The following DNAAF5 variants were observed in gnomAD, a reference collection of about 807,000 sequenced individuals.
DNAAF5 encodes the protein dynein axonemal assembly factor 5, also known as HEAT repeat containing 2.
Under a neutral mutation model 75.8 loss-of-function variants are expected in DNAAF5, and 64 were observed. The observed-to-expected ratio is 0.84, with a 90% CI of 0.69 to 1.04. DNAAF5 has a LOEUF of 1.04. Ranked by LOEUF, DNAAF5 falls within the 50% of genes least tolerant of loss-of-function variation. DNAAF5 has a pLI of 0.00. For synonymous variants in DNAAF5, 657 were observed against 557.2 expected, an observed-to-expected ratio of 1.18 and a Z score of -2.52; for missense variants, 1,269 against 1,178.5, an observed-to-expected ratio of 1.08 and a Z score of -1.12.
chr7:742,879 A>C (rs1424771824), intron 4 of DNAAF5, among the ~76,000 whole-genome samples: 1 of 149,822 alleles, frequency 6.7e-6, no homozygotes, highest in Non-Finnish European at 1.5e-5. Flanking sequence ...TCAGATGCCC[A>C]GCTCAAATCA....
At chr7:747,762 G>A (rs1394025369) in intron 4 of DNAAF5, among the ~76,000 whole-genome samples, 3 of 26,080 alleles carry the variant, frequency 1.2e-4, no homozygotes, top group South Asian at 6.8e-3. Context: ...GGTGGCCCAC[G>A]GTGTTGGTGG....
intron 11 of DNAAF5, among the ~76,000 whole-genome samples, chr7:779,531 C>T (rs1411602713): frequency 6.6e-6 from 1 of 152,188 alleles, no homozygotes; most frequent in Non-Finnish European, 1.5e-5. Flanking sequence ...TTGTCTGTCA[C>T]TGAGTCCTCA....
chr7:757,909 C>G (rs1213002244), intron 6 of DNAAF5, among the ~76,000 whole-genome samples: 1 of 152,238 alleles, frequency 6.6e-6, no homozygotes, highest in Non-Finnish European at 1.5e-5. Flanking sequence ...CCACTGTGCT[C>G]TCAGCCCGGC....
At chr7:739,644 C>T (rs902173891) in intron 2 of DNAAF5, among the ~76,000 whole-genome samples, 7 of 152,328 alleles carry the variant, frequency 4.6e-5, no homozygotes, top group South Asian at 2.1e-4. Context: ...TCAGGCGCAA[C>T]GGGCCTCTCC....
chr7:756,669 A>G, intron 5 of DNAAF5, 113 bp from the exon 6 acceptor site: 2 of 916,152 alleles, frequency 2.2e-6, no homozygotes, highest in Non-Finnish European at 3.5e-6. Flanking sequence ...TCTGCCTAAC[A>G]CGGGGCTCTG....
chr7:745,498 C>A (rs1219560203), intron 4 of DNAAF5, among the ~76,000 whole-genome samples: 1 of 152,204 alleles, frequency 6.6e-6, no homozygotes, highest in African/African-American at 2.4e-5. Flanking sequence ...ACATGCATAT[C>A]GCACACACGT....
Position 785,779 on chromosome 7 carries a change from A to T in DNAAF5, c.*126A>T, listed in dbSNP as rs1175984380. The T allele has an allele frequency of 6.5e-6, 7 of 1,079,414 alleles. No individual in the cohort carries two copies. The highest frequency in any genetic ancestry group is 9.2e-6 in the Non-Finnish European group (7 of 764,826). The allele number at this position is 1,079,414 out of a possible 1,614,324, so 66.9% of individuals were successfully genotyped here. On this transcript the variant is annotated 3_prime_UTR_variant, in exon 13 of 13. Coordinates refer to ENST00000297440, the MANE Select transcript of DNAAF5 (RefSeq NM_017802.4). ...CTGTGACAGCAAGAATGTACTCCTC[A>T]GGACACCTGCCCACTCTTTCCCTGG... is the stretch of plus-strand genomic sequence containing the variant.
At chr7:739,645 G>A (rs1169907230) in intron 2 of DNAAF5, among the ~76,000 whole-genome samples, 3 of 152,320 alleles carry the variant, frequency 2.0e-5, no homozygotes, top group East Asian at 1.9e-4. Context: ...CAGGCGCAAC[G>A]GGCCTCTCCT....
chr7:757,084 C>A, intron 6 of DNAAF5, 90 bp downstream of exon 6: 2 of 1,299,580 alleles, frequency 1.5e-6, no homozygotes, highest in African/African-American at 1.5e-5. Context: ...GTGGGTTGCC[C>A]TGTGCCGCCA....
chr7:783,332 T>C (rs1180390316), intron 12 of DNAAF5, among the ~76,000 whole-genome samples: 1 of 152,044 alleles, frequency 6.6e-6, no homozygotes, highest in Non-Finnish European at 1.5e-5. Context: ...GGTGAAGCCG[T>C]GTGCTCGAGG....
intron 11 of DNAAF5, among the ~76,000 whole-genome samples, chr7:775,762 A>G (rs959439776): frequency 6.6e-6 from 1 of 152,202 alleles, no homozygotes; most frequent in African/African-American, 2.4e-5. Context: ...TCGTGAAGGA[A>G]GCGTCGTGTG....
At chr7:740,375 G>A (rs919574487) in intron 2 of DNAAF5, among the ~76,000 whole-genome samples, 7 of 152,176 alleles carry the variant, frequency 4.6e-5, no homozygotes, top group Non-Finnish European at 1.0e-4. Context: ...TTGAGGTATG[G>A]CCACGGTGCA....
At position 729,858 on chromosome 7, in the gene DNAAF5, T is replaced by C; in HGVS notation, c.780+11T>C. On this transcript the variant is annotated intron_variant, in intron 2 of 12. Transcript: ENST00000297440. ...GATGACGTCCCGCAGGTAACTGGTG[T>C]TTCTCCTGGACAGTCTGTTCCTCTC... is the stretch of plus-strand genomic sequence containing the variant. 6.2e-7 allele frequency: 1 copy of C among 1,613,830 alleles called. No individual in the cohort carries two copies. Among genetic ancestry groups the C allele is most frequent in the Non-Finnish European group, 8.5e-7 (1 of 1,179,832 alleles).
rs748750722 is a variant in DNAAF5 at position 727,231 on chromosome 7, C to A, written c.511C>A (p.Leu171Met). Residue 171 changes from leucine (L) to methionine (M), a missense_variant, in exon 1 of 13, where the codon CTG becomes ATG. Transcript: ENST00000297440. ...APHLDDALRA[L>M]RCSLLDPFAA... ...CCACCTGGACGACGCTCTGCGCGCG[C>A]TGCGCTGCTCCCTGCTCGACCCCTT... is the stretch of plus-strand genomic sequence containing the variant. 3.7e-6 allele frequency: 5 copies of A among 1,342,112 alleles called. No individual in the cohort carries two copies. The highest frequency in any genetic ancestry group is 4.8e-6 in the Non-Finnish European group (5 of 1,047,538). The allele number at this position is 1,342,112 out of a possible 1,614,324, so 83.1% of individuals were successfully genotyped here.
At chr7:781,390 T>G (rs1158896058) in intron 12 of DNAAF5, among the ~76,000 whole-genome samples, 1 of 152,250 alleles carries the variant, frequency 6.6e-6, no homozygotes. Context: ...TTCCACTGCG[T>G]GCGCTCCACG....
intron 2 of DNAAF5, among the ~76,000 whole-genome samples, chr7:738,145 C>T (rs1247087765): frequency 1.3e-5 from 2 of 152,080 alleles, no homozygotes; most frequent in Non-Finnish European, 2.9e-5. Context: ...TTCAAATAGC[C>T]CGTCTTCAAG....
chr7:758,220 T>A (rs772574005), intron 6 of DNAAF5, among the ~76,000 whole-genome samples: 21 of 152,234 alleles, frequency 1.4e-4, no homozygotes, highest in Non-Finnish European at 1.2e-4. Context: ...GTATACAGAT[T>A]TGCAAGCCAG....
At chr7:753,685 A>G (rs1478522589) in intron 4 of DNAAF5, among the ~76,000 whole-genome samples, 2 of 147,730 alleles carry the variant, frequency 1.4e-5, no homozygotes, top group African/African-American at 2.6e-5. Context: ...CTCTGATCAT[A>G]TGGGGACGGC....
intron 2 of DNAAF5, among the ~76,000 whole-genome samples, chr7:735,927 C>G (rs559281928): frequency 4.6e-5 from 7 of 152,244 alleles, no homozygotes; most frequent in African/African-American, 1.4e-4. Context: ...ACACTTGCCT[C>G]TTAGTGCTGC....
Sources: allele counts gnomAD v4.1 joint callset (sites outside exome capture counted in the v4.1 genomes callset), GRCh38; gene constraint gnomAD v4.1.1; transcripts MANE v1.5; gene names NCBI Gene and HGNC (gene_info 2026-07-23, HGNC 2026-07-21).